EML6: variants seen among roughly 807,000 people sequenced by gnomAD.
EML6 encodes the protein EMAP like 6, also known as echinoderm microtubule-associated protein-like 6.
A neutral mutation model predicts 240.1 loss-of-function variants in EML6; 154 were observed. That is an observed-to-expected ratio of 0.64 (90% CI 0.56 to 0.73). The LOEUF (loss-of-function observed/expected upper bound fraction) is 0.73, where lower values mean the gene tolerates loss of function less well. EML6 is among the 30% of genes least tolerant of loss of function. EML6 has a pLI of 0.00. For synonymous variants in EML6, 1,148 were observed against 899.0 expected, an observed-to-expected ratio of 1.28 and a Z score of -4.95; for missense variants, 2,964 against 2,474.6, an observed-to-expected ratio of 1.20 and a Z score of -4.20.
At chr2:54,899,576 G>A (rs1672949417) in intron 21 of EML6, 65 bp from the exon 22 acceptor site, 3 of 1,487,390 alleles carry the variant, frequency 2.0e-6, no homozygotes, top group East Asian at 5.0e-5. Context: ...TGTAGCACCA[G>A]GCTAAAGAAG....
intron 2 of EML6, among the ~76,000 whole-genome samples, chr2:54,744,935 CA>C (rs1683841809): frequency 1.3e-5 from 2 of 150,836 alleles, no homozygotes; most frequent in Non-Finnish European, 3.0e-5. Context: ...CACACACACA[CA>C]CACACACACA....
At position 54,903,410 on chromosome 2, in the gene EML6, T is replaced by C. The variant is rs1414321227; in HGVS notation, c.3317T>C (p.Phe1106Ser). 1.9e-6 allele frequency: 3 copies of C among 1,551,792 alleles called. No individual in the cohort carries two copies. Among genetic ancestry groups the C allele is most frequent in the Non-Finnish European group, 2.6e-6 (3 of 1,146,976 alleles). ...KYLAVASHDN[F>S]VDIYNVLTSK... The stretch of plus-strand genomic sequence containing the variant: ...CTTGCCGTGGCATCCCATGATAACT[T>C]TGTGGATATTTACAACGTACTTACA... The change falls in exon 24 of 42, where the codon TTT becomes TCT. Residue 1106 changes from phenylalanine (F) to serine (S), a missense_variant. Phe to Ser is a radical substitution (Grantham distance 155). Transcript: ENST00000356458.
At chr2:54,806,225 T>C (rs1284162063) in intron 2 of EML6, among the ~76,000 whole-genome samples, 1 of 152,094 alleles carries the variant, frequency 6.6e-6, no homozygotes. Flanking sequence ...TCCAAATGGT[T>C]TTTACCAGTT....
intron 24 of EML6, 26 bp from the exon 25 acceptor site, chr2:54,910,928 C>G (rs1485173672): frequency 2.5e-6 from 3 of 1,220,452 alleles, no homozygotes; most frequent in Non-Finnish European, 3.5e-6. Flanking sequence ...TTTTAATTAT[C>G]TCTCTACTTC....
intron 8 of EML6, 114 bp downstream of exon 8, chr2:54,844,362 A>C (rs1211215335): frequency 1.3e-6 from 1 of 797,270 alleles, no homozygotes; most frequent in Non-Finnish European, 2.0e-6. Context: ...TTTCCAAATG[A>C]AACGTTAAGA....
At chr2:54,861,776 T>G (rs367599259) in intron 12 of EML6, among the ~76,000 whole-genome samples, 124 of 150,374 alleles carry the variant, frequency 8.2e-4, no homozygotes, top group African/African-American at 2.3e-3. Context: ...TTTGTTTTTT[T>G]TTTTTTTTTA....
At chr2:54,959,394 G>GCT (rs755535959) in intron 34 of EML6, 133 bp downstream of exon 34, 3 of 846,514 alleles carry the variant, frequency 3.5e-6, no homozygotes, top group Non-Finnish European at 5.3e-6. Flanking sequence ...AGATCAGTCT[G>GCT]CTCTCTCTCC....
chr2:54,905,945 G>T (rs10167789), intron 24 of EML6, among the ~76,000 whole-genome samples: 3 of 152,062 alleles, frequency 2.0e-5, no homozygotes, highest in Admixed American at 6.5e-5. Context: ...CACCTGTGTG[G>T]CTGCCACATT....
chr2:54,730,933 T>C (rs1461010476), intron 2 of EML6, among the ~76,000 whole-genome samples: 2 of 152,118 alleles, frequency 1.3e-5, no homozygotes, highest in African/African-American at 4.8e-5. Context: ...CAACAGTGAA[T>C]GGACAAGAAA....
intron 10 of EML6, among the ~76,000 whole-genome samples, chr2:54,853,181 A>G (rs926311488): frequency 2.6e-5 from 4 of 152,216 alleles, no homozygotes; most frequent in Non-Finnish European, 5.9e-5. Flanking sequence ...AGTTTTTAAA[A>G]CCTGGCAAAG....
At chr2:54,921,243 T>G (rs1395328875) in intron 26 of EML6, among the ~76,000 whole-genome samples, 1 of 152,190 alleles carries the variant, frequency 6.6e-6, no homozygotes, top group Non-Finnish European at 1.5e-5. Context: ...TTAGAATTAA[T>G]AAAGTCAGTA....
intron 2 of EML6, among the ~76,000 whole-genome samples, chr2:54,794,564 C>T (rs1204997210): frequency 6.6e-6 from 1 of 152,102 alleles, no homozygotes; most frequent in African/African-American, 2.4e-5. Flanking sequence ...ACTGGCTCGT[C>T]CTGATGCCCC....
At chr2:54,898,760 A>C (rs560139918) in intron 21 of EML6, among the ~76,000 whole-genome samples, 82 of 152,290 alleles carry the variant, frequency 5.4e-4, no homozygotes, top group African/African-American at 2.0e-3. Context: ...CCTTTTTGTA[A>C]TTAGCCATTA....
At chr2:54,918,353 T>G (rs527459928) in intron 26 of EML6, among the ~76,000 whole-genome samples, 25 of 151,038 alleles carry the variant, frequency 1.7e-4, no homozygotes, top group African/African-American at 5.5e-4. Flanking sequence ...TTATTTTAAC[T>G]AATGAATGAA....
intron 16 of EML6, among the ~76,000 whole-genome samples, chr2:54,876,638 T>C (rs1671521696): frequency 6.6e-6 from 1 of 152,210 alleles, no homozygotes; most frequent in Non-Finnish European, 1.5e-5. Context: ...ATATAGTCAA[T>C]GAATGCAACA....
chr2:54,801,884 G>A (rs1197023915), intron 2 of EML6, among the ~76,000 whole-genome samples: 1 of 152,122 alleles, frequency 6.6e-6, no homozygotes, highest in African/African-American at 2.4e-5. Flanking sequence ...TCTGGATAAC[G>A]ATTTCTTGAA....
At chr2:54,747,307 G>T (rs545661336) in intron 2 of EML6, 2 of 152,118 alleles carry the variant, frequency 1.3e-5, no homozygotes, top group Admixed American at 6.5e-5. Flanking sequence ...TTCAGAGCGG[G>T]TCACTTCACC....
chr2:54,845,297 C>T (rs1669687749), intron 8 of EML6, among the ~76,000 whole-genome samples: 1 of 152,160 alleles, frequency 6.6e-6, no homozygotes, highest in Admixed American at 6.5e-5. Context: ...CTCACTTCTC[C>T]TTTTTTGTTT....
intron 5 of EML6, among the ~76,000 whole-genome samples, chr2:54,825,496 C>T (rs1049043379): frequency 1.3e-5 from 2 of 152,150 alleles, no homozygotes; most frequent in African/African-American, 4.8e-5. Context: ...CTCCTGGGCT[C>T]AAGTGATCTC....
Sources: allele counts gnomAD v4.1 joint callset (sites outside exome capture counted in the v4.1 genomes callset), GRCh38; gene constraint gnomAD v4.1.1; transcripts MANE v1.5; gene names NCBI Gene and HGNC (gene_info 2026-07-23, HGNC 2026-07-21).